Variants in PHACTR2 observed in about 807,000 individuals in gnomAD.
PHACTR2 encodes chromosome 6 open reading frame 56.
A neutral mutation model predicts 76.0 loss-of-function variants in PHACTR2; 30 were observed. The observed-to-expected ratio is 0.39, with a 90% CI of 0.30 to 0.54. The LOEUF (loss-of-function observed/expected upper bound fraction) is 0.54. Ranked by LOEUF, PHACTR2 falls within the 20% of genes least tolerant of loss-of-function variation. The probability of loss-of-function intolerance (pLI) is 0.61; values close to 1 mark genes in which losing one functional copy is unlikely to be tolerated. For missense variants in PHACTR2, 696 were observed against 781.1 expected (o/e 0.89, Z 1.30); for synonymous variants, 292 against 292.5 (o/e 1.00, Z 0.02).
chr6:143,768,696 G>A (rs1775017487), intron 6 of PHACTR2, among the ~76,000 whole-genome samples: 1 of 152,176 alleles, frequency 6.6e-6, no homozygotes, highest in Admixed American at 6.5e-5. Context: ...AGACCAAAGA[G>A]GTAAGCATCT....
In PHACTR2 at chr6:143,657,774, C is replaced by A. The variant is rs142400746; in HGVS notation, c.13+49452C>A. Among the ~76,000 whole-genome samples, 349 of 152,250 alleles carry A rather than the reference C, an allele frequency of 2.3e-3. 3 individuals are homozygous for A. The highest frequency in any genetic ancestry group is 8.1e-3 in the African/African-American group (335 of 41,548). On this transcript the variant is annotated intron_variant, in intron 1 of 11. Coordinates refer to the PHACTR2 transcript ENST00000305766. ...TTATCTCAAGGTGGGGTGTGGGGAC[C>A]TTGATGCTTGCCCCGTGTTGATCAG...
chr6:143,711,518 C>T (rs543090464), intron 1 of PHACTR2, among the ~76,000 whole-genome samples: 42 of 152,284 alleles, frequency 2.8e-4, no homozygotes, highest in African/African-American at 9.1e-4. Context: ...GTAATAGAAG[C>T]AAAAGATAGT....
In PHACTR2 at chr6:143,830,873, G is replaced by C. The variant is rs932416504; in HGVS notation, c.*7184G>C. ...TTCTCTTATATTTGGATAGTGCTCA[G>C]CCTTTTTAAATGAAAAAAGAAAAAA... On this transcript the variant is annotated 3_prime_UTR_variant, in exon 13 of 13. Transcript: ENST00000440869. 2.6e-5 allele frequency: 4 copies of C among 152,114 alleles called. No homozygotes were observed. Among genetic ancestry groups the C allele is most frequent in the African/African-American group, 9.7e-5 (4 of 41,442 alleles). The allele number at this position is 152,114 out of a possible 1,614,324, so 9.4% of individuals were successfully genotyped here. A position where few individuals can be genotyped will look rare whatever the true frequency, so the allele number is the denominator to read the frequency against.
In PHACTR2 at chr6:143,639,600, C is replaced by T. The variant is rs924882562; in HGVS notation, c.13+31278C>T. ...TGGGAGTGAGAAAGCCTGATTATAGCGGGAGGGATTACTAACTCTCCCTTT... is the reference window on the plus strand; with the variant it reads ...TGGGAGTGAGAAAGCCTGATTATAGTGGGAGGGATTACTAACTCTCCCTTT... On this transcript the variant is annotated intron_variant, in intron 1 of 11. Coordinates refer to the PHACTR2 transcript ENST00000305766. The surrounding 1 kb of genome is among the most constrained non-coding windows in gnomAD (Gnocchi z 5.0). Among the ~76,000 whole-genome samples the T allele has an allele frequency of 1.3e-5, 2 of 151,946 alleles. No homozygotes were observed. Among genetic ancestry groups the T allele is most frequent in the Admixed American group, 6.6e-5 (1 of 15,246 alleles).
Position 143,743,854 on chromosome 6 carries a change from C to G in PHACTR2, c.215-5131C>G, listed in dbSNP as rs1778996739. Among the ~76,000 whole-genome samples the G allele has an allele frequency of 6.6e-6, 1 of 152,208 alleles. No individual in the cohort carries two copies. The highest frequency in any genetic ancestry group is 2.1e-4 in the South Asian group (1 of 4,834). ...TGTTAGAATTGAGAATTAGGACTCTCTTTCCTCGCCAAAGAAAAACACAAG... is the reference window on the plus strand; with the variant it reads ...TGTTAGAATTGAGAATTAGGACTCTGTTTCCTCGCCAAAGAAAAACACAAG... On this transcript the variant is annotated intron_variant, in intron 2 of 12. Transcript: ENST00000440869. The surrounding 1 kb of genome is among the most constrained non-coding windows in gnomAD (Gnocchi z 5.0).
At chr6:143,681,482 G>A (rs530876960) in intron 1 of PHACTR2, among the ~76,000 whole-genome samples, 1 of 151,884 alleles carries the variant, frequency 6.6e-6, no homozygotes, top group Middle Eastern at 3.4e-3. Context: ...TTGTATACTA[G>A]ATCCAAATCC....
At chr6:143,778,320 C>A (rs1403807901) in intron 9 of PHACTR2, among the ~76,000 whole-genome samples, 1 of 152,132 alleles carries the variant, frequency 6.6e-6, no homozygotes, top group Admixed American at 6.5e-5. Flanking sequence ...AAGATACTTT[C>A]TTTCCTTTAG....
chr6:143,665,386 T>C (rs991678083), intron 1 of PHACTR2, among the ~76,000 whole-genome samples: 1 of 152,226 alleles, frequency 6.6e-6, no homozygotes, highest in Non-Finnish European at 1.5e-5. Context: ...GATTTGTTCT[T>C]TCCCTTGGCG....
chr6:143,551,622 A>G (rs894260193), intron 1 of PHACTR2, among the ~76,000 whole-genome samples: 2 of 152,160 alleles, frequency 1.3e-5, no homozygotes, highest in Non-Finnish European at 2.9e-5. Context: ...TATTGCTTCT[A>G]TGGGTTGAAC....
intron 9 of PHACTR2, among the ~76,000 whole-genome samples, chr6:143,778,036 A>G (rs1029059188): frequency 3.3e-5 from 5 of 152,246 alleles, no homozygotes; most frequent in Admixed American, 6.5e-5. Context: ...TAAAGCTAAT[A>G]GAAATACAGT....
rs149953932 is a variant in PHACTR2 at position 143,823,172 on chromosome 6, C to A, written c.1923-502C>A. ...TGCTTAGTATATACCTGTGGAACAT[C>A]TGGGGGGAAGCGCCCTGTGGGCTTT... On this transcript the variant is annotated intron_variant, in intron 12 of 12. Transcript: ENST00000440869. The surrounding 1 kb of genome is among the most constrained non-coding windows in gnomAD (Gnocchi z 5.7). Among the ~76,000 whole-genome samples the A allele has an allele frequency of 6.6e-6, 1 of 152,328 alleles. No individual in the cohort carries two copies. The highest frequency in any genetic ancestry group is 2.1e-4 in the South Asian group (1 of 4,832).
At chr6:143,812,615 G>A (rs1422570338) in intron 12 of PHACTR2, among the ~76,000 whole-genome samples, 1 of 152,182 alleles carries the variant, frequency 6.6e-6, no homozygotes, top group Non-Finnish European at 1.5e-5. Flanking sequence ...ATGGATGCTA[G>A]GGCAAGAAAG....
chr6:143,699,850 A>G (rs1340417553), intron 1 of PHACTR2, among the ~76,000 whole-genome samples: 1 of 152,188 alleles, frequency 6.6e-6, no homozygotes, highest in Non-Finnish European at 1.5e-5. Flanking sequence ...TCATCTCTTA[A>G]CTGAGCTATA....
chr6:143,756,390 C>G (rs1779297276), intron 4 of PHACTR2, among the ~76,000 whole-genome samples: 1 of 152,078 alleles, frequency 6.6e-6, no homozygotes, highest in African/African-American at 2.4e-5. Context: ...CAGTAAGTGC[C>G]TTTATATATA....
At chr6:143,649,150 G>A (rs779144139) in intron 1 of PHACTR2, among the ~76,000 whole-genome samples, 18 of 151,986 alleles carry the variant, frequency 1.2e-4, no homozygotes, top group Non-Finnish European at 2.4e-4. Flanking sequence ...AAAGCCCACG[G>A]CTTTTCCTCT....
rs1779437107 is a variant in PHACTR2, at chr6:143,761,379, T to TA, written c.694+740dup. Among the ~76,000 whole-genome samples, 1 of 152,208 alleles carries TA rather than the reference T, an allele frequency of 6.6e-6. No individual in the cohort carries two copies. The highest frequency in any genetic ancestry group is 2.1e-4 in the South Asian group (1 of 4,824). Reference sequence around the variant, plus strand: ...TATCCAGCTTTGCTTTACAATCAGATATGCTTGATGCAAAGTGGAAACTCC... The same window carrying TA: ...TATCCAGCTTTGCTTTACAATCAGATAATGCTTGATGCAAAGTGGAAACTCC... On this transcript the variant is annotated intron_variant, in intron 5 of 12. Coordinates refer to ENST00000440869, the MANE Select transcript of PHACTR2 (RefSeq NM_001100164.2). The surrounding 1 kb of genome is among the most constrained non-coding windows in gnomAD (Gnocchi z 5.2).
rs1775582540 is a variant in PHACTR2, at chr6:143,787,525, C to A, written c.1708-1248C>A. Among the ~76,000 whole-genome samples, 1 of 152,186 alleles carries A rather than the reference C, an allele frequency of 6.6e-6. No homozygotes were observed. Among genetic ancestry groups the A allele is most frequent in the Non-Finnish European group, 1.5e-5 (1 of 68,036 alleles). Reference sequence around the variant, plus strand: ...TAGGCCTTCTAAAAGTCCTTGAGTGCTTTGAATATTACAGTATTGGCTTAG... The same window carrying A: ...TAGGCCTTCTAAAAGTCCTTGAGTGATTTGAATATTACAGTATTGGCTTAG... On this transcript the variant is annotated intron_variant, in intron 10 of 12. Coordinates refer to ENST00000440869, the MANE Select transcript of PHACTR2 (RefSeq NM_001100164.2). The surrounding 1 kb of genome is among the most constrained non-coding windows in gnomAD (Gnocchi z 4.6).
intron 1 of PHACTR2, among the ~76,000 whole-genome samples, chr6:143,544,870 AT>A (rs562194587): frequency 3.1e-4 from 47 of 152,304 alleles, no homozygotes; most frequent in South Asian, 1.2e-3. Flanking sequence ...GCCTAAAACG[AT>A]TTTTTAAAAA....
chr6:143,774,106 C>T lies in PHACTR2; in HGVS notation c.1480C>T (p.Leu494Phe), dbSNP rs1158955152. ...IRRRDTLAIK[L>F]GNRPSKKELE... ...CCGGAGGGATACTCTTGCTATCAAA[C>T]TTGGCAACAGACCATCTAAGAAAGA... Residue 494 changes from leucine (L) to phenylalanine (F), a missense_variant, in exon 8 of 13, where the codon CTT becomes TTT. By Grantham distance (22) the Leu-to-Phe change is conservative. This residue lies in a region of PHACTR2 where 236 missense variants were observed against 330.2 expected (regional missense o/e 0.71). Transcript: ENST00000440869. This position sits in a 1 kb window ranked among gnomAD's most constrained non-coding sequence, Gnocchi z 5.4. 6.2e-7 allele frequency: 1 copy of T among 1,613,906 alleles called. No homozygotes were observed. Among genetic ancestry groups the T allele is most frequent in the Admixed American group, 1.7e-5 (1 of 60,022 alleles).
Sources: allele counts gnomAD v4.1 joint callset (sites outside exome capture counted in the v4.1 genomes callset), GRCh38; gene constraint gnomAD v4.1.1; regional missense constraint gnomAD v4.1.1; non-coding constraint Gnocchi (gnomAD v3.1); transcripts MANE v1.5; gene names NCBI Gene and HGNC (gene_info 2026-07-23, HGNC 2026-07-21).